The following GALNT15 variants were observed in gnomAD, a reference collection of about 807,000 sequenced individuals.
GALNT15 encodes the protein polypeptide N-acetylgalactosaminyltransferase 15.
A neutral mutation model predicts 66.8 loss-of-function variants in GALNT15; 67 were observed. The ratio of observed to expected loss-of-function variants is 1.00; its 90% CI spans 0.82 to 1.23. GALNT15 has a LOEUF of 1.23. Ranked by LOEUF, GALNT15 falls within the 50% of genes most tolerant of loss-of-function variation. GALNT15 has a pLI of 0.00. For missense variants in GALNT15, 827 were observed against 804.3 expected (o/e 1.03, Z -0.34); for synonymous variants, 313 against 311.5 (o/e 1.00, Z -0.05).
rs1170870767 is a variant in GALNT15 at position 16,206,671 on chromosome 3, T to TAA, written c.912-1809_912-1808dup. 3.4e-3 allele frequency among the ~76,000 whole-genome samples: 205 copies of TAA among 59,924 alleles called. 2 individuals are homozygous for TAA. Among genetic ancestry groups the TAA allele is most frequent in the African/African-American group, 9.5e-3 (157 of 16,522 alleles). 39.3% of individuals were successfully genotyped at this position (59,924 alleles called of 152,430 possible). ...CTGGATAACAAAGCGAGACTCTGTC[T>TAA]AAAAAAAAAAAAAAAAAAAAAAAAG... On this transcript the variant is annotated intron_variant, in intron 3 of 9. Coordinates refer to ENST00000339732, the MANE Select transcript of GALNT15 (RefSeq NM_054110.5).
chr3:16,231,857 T>C, downstream of GALNT15: 7 of 1,536,406 alleles, frequency 4.6e-6, no homozygotes, highest in Non-Finnish European at 6.1e-6. The surrounding 1 kb of genome is among the most constrained non-coding windows in gnomAD (Gnocchi z 4.1). Flanking sequence ...TTTCAGCAGA[T>C]TGTGAACAAT....
downstream of GALNT15, among the ~76,000 whole-genome samples, chr3:16,231,542 A>G (rs2064081776): frequency 6.6e-6 from 1 of 152,206 alleles, no homozygotes; most frequent in Non-Finnish European, 1.5e-5. This position sits in a 1 kb window ranked among gnomAD's most constrained non-coding sequence, Gnocchi z 4.1. Flanking sequence ...ATCACGACAT[A>G]TAAACAGCTT....
At chr3:16,235,796 A>G (rs1283767491), downstream of GALNT15, among the ~76,000 whole-genome samples, 2 of 152,212 alleles carry the variant, frequency 1.3e-5, no homozygotes, top group Middle Eastern at 3.4e-3. Context: ...GCCGGGTAGG[A>G]TAGATACCAG....
At chr3:16,190,200 G>T (rs2063558776) in intron 1 of GALNT15, among the ~76,000 whole-genome samples, 1 of 152,198 alleles carries the variant, frequency 6.6e-6, no homozygotes, top group South Asian at 2.1e-4. Flanking sequence ...CTGCCCATAG[G>T]CTGATGAAGC....
chr3:16,240,407 C>T, the GALNT15 span, among the ~76,000 whole-genome samples: 2 of 152,162 alleles, frequency 1.3e-5, no homozygotes, highest in Admixed American at 6.5e-5. Context: ...TGCAAAATAT[C>T]ATCTTCACTG....
At chr3:16,210,841 G>A (rs1046898994) in intron 4 of GALNT15, among the ~76,000 whole-genome samples, 3 of 152,224 alleles carry the variant, frequency 2.0e-5, no homozygotes, top group African/African-American at 7.2e-5. Flanking sequence ...CAAGCCAGAG[G>A]GCAGGGGAGT....
In GALNT15 at chr3:16,208,610, A is replaced by C; in HGVS notation, c.1019A>C (p.His340Pro). 1.2e-6 allele frequency: 2 copies of C among 1,614,066 alleles called. No homozygotes were observed. The highest frequency in any genetic ancestry group is 1.7e-6 in the Non-Finnish European group (2 of 1,180,000). ...RGVLDWKLDFHWEPLPEHVRK... is the reference protein window; with the variant it reads ...RGVLDWKLDFPWEPLPEHVRK... ...GTGTTGGACTGGAAGCTGGATTTCC[A>C]CTGGGAACCTTTGCCAGAGCATGTG... Residue 340 changes from histidine to proline, a missense_variant, in exon 4 of 10, where the codon CAC (histidine) becomes CCC (proline). Physicochemically the swap from His to Pro is moderately conservative, Grantham distance 77. Coordinates refer to ENST00000339732, the MANE Select transcript of GALNT15 (RefSeq NM_054110.5).
At chr3:16,199,313 T>G (rs1434227054) in intron 2 of GALNT15, among the ~76,000 whole-genome samples, 2 of 141,648 alleles carry the variant, frequency 1.4e-5, no homozygotes, top group Non-Finnish European at 3.1e-5. Context: ...TTAGGCCTCT[T>G]TTTCTCCCTT....
At chr3:16,235,360 G>A (rs536200085), downstream of GALNT15, among the ~76,000 whole-genome samples, 16 of 152,160 alleles carry the variant, frequency 1.1e-4, no homozygotes, top group African/African-American at 3.9e-4. Flanking sequence ...ATGAAGCAAG[G>A]TTCCTCCGGC....
Position 16,191,363 on chromosome 3 carries a change from G to C in GALNT15, c.540-4397G>C. 1 of 981,478 alleles carries C rather than the reference G, an allele frequency of 1.0e-6. No individual in the cohort carries two copies. The highest frequency in any genetic ancestry group is 4.7e-5 in the South Asian group (1 of 21,188). The allele number at this position is 981,478 out of a possible 1,614,324, so 60.8% of individuals were successfully genotyped here. On this transcript the variant is annotated intron_variant, in intron 1 of 9. Coordinates refer to ENST00000339732, the MANE Select transcript of GALNT15 (RefSeq NM_054110.5). The surrounding 1 kb of genome is among the most constrained non-coding windows in gnomAD (Gnocchi z 5.2). Reference sequence around the variant, plus strand: ...ACATCTGTTAATAATGGCAGCAAACGCATGGTGCTCACTCTGTGCCACCCA... The same window carrying C: ...ACATCTGTTAATAATGGCAGCAAACCCATGGTGCTCACTCTGTGCCACCCA...
At chr3:16,230,691 A>G (rs2064073841), downstream of GALNT15, among the ~76,000 whole-genome samples, 1 of 152,204 alleles carries the variant, frequency 6.6e-6, no homozygotes. The surrounding 1 kb of genome is among the most constrained non-coding windows in gnomAD (Gnocchi z 4.5). Flanking sequence ...TCTACTTATT[A>G]TGCACACTAT....
At chr3:16,214,634 C>T (rs1372939132) in intron 6 of GALNT15, among the ~76,000 whole-genome samples, 1 of 152,064 alleles carries the variant, frequency 6.6e-6, no homozygotes, top group African/African-American at 2.4e-5. Flanking sequence ...ATACCCAATG[C>T]TTATCAGGTT....
Position 16,195,974 on chromosome 3 carries a change from G to A in GALNT15, c.706+48G>A. The A allele has an allele frequency of 6.3e-7, 1 of 1,587,550 alleles. No homozygotes were observed. Among genetic ancestry groups the A allele is most frequent in the Non-Finnish European group, 8.6e-7 (1 of 1,161,072 alleles). On this transcript the variant is annotated intron_variant, in intron 2 of 9. Transcript: ENST00000339732. The surrounding 1 kb of genome is among the most constrained non-coding windows in gnomAD (Gnocchi z 4.6). ...CTCGTCTGGGTGAGCCTTACCCCCT[G>A]GCGGGTGGAGTTCTCAAGCAAAAGA...
At chr3:16,213,411 C>T (rs1469256957) in intron 6 of GALNT15, among the ~76,000 whole-genome samples, 13 of 135,028 alleles carry the variant, frequency 9.6e-5, no homozygotes, top group Admixed American at 4.2e-4. Flanking sequence ...GCTGAGATCA[C>T]GCCACTGCAC....
chr3:16,234,001 A>G (rs2064110633), downstream of GALNT15, among the ~76,000 whole-genome samples: 1 of 152,212 alleles, frequency 6.6e-6, no homozygotes, highest in Non-Finnish European at 1.5e-5. Flanking sequence ...CATAGAGGCA[A>G]GTATAGGGGA....
Position 16,195,995 on chromosome 3 carries a change from A to C in GALNT15, c.706+69A>C. ...CCCTGGCGGGTGGAGTTCTCAAGCA[A>C]AAGATTGAAGTTTGGAACTATTTTA... On this transcript the variant is annotated intron_variant, in intron 2 of 9. Coordinates refer to ENST00000339732, the MANE Select transcript of GALNT15 (RefSeq NM_054110.5). This position sits in a 1 kb window ranked among gnomAD's most constrained non-coding sequence, Gnocchi z 4.6. 1 of 1,519,930 alleles carries C rather than the reference A, an allele frequency of 6.6e-7. No homozygotes were observed. The highest frequency in any genetic ancestry group is 9.0e-7 in the Non-Finnish European group (1 of 1,108,872). The allele number at this position is 1,519,930 out of a possible 1,614,324, so 94.2% of individuals were successfully genotyped here.
intron 8 of GALNT15, among the ~76,000 whole-genome samples, chr3:16,221,877 G>T (rs989456835): frequency 2.0e-5 from 3 of 152,180 alleles, no homozygotes; most frequent in African/African-American, 7.2e-5. Flanking sequence ...AGATGACAAT[G>T]TAGTCTTTAA....
chr3:16,204,541 C>T lies in GALNT15; in HGVS notation c.911+3718C>T, dbSNP rs1169873639. ...TACACAAAGTAACAATGATGGGAAT[C>T]AAGACTAGCTGTTGTATCCAGCTCT... On this transcript the variant is annotated intron_variant, in intron 3 of 9. Coordinates refer to ENST00000339732, the MANE Select transcript of GALNT15 (RefSeq NM_054110.5). This position sits in a 1 kb window ranked among gnomAD's most constrained non-coding sequence, Gnocchi z 4.5. 1.3e-5 allele frequency among the ~76,000 whole-genome samples: 2 copies of T among 152,056 alleles called. No individual in the cohort carries two copies. The highest frequency in any genetic ancestry group is 2.9e-5 in the Non-Finnish European group (2 of 68,008).
downstream of GALNT15, among the ~76,000 whole-genome samples, chr3:16,232,639 A>C (rs2064096156): frequency 6.7e-6 from 1 of 150,310 alleles, no homozygotes; most frequent in African/African-American, 2.4e-5. Flanking sequence ...GTGGAAACAA[A>C]TATAAAAAGA....
Sources: gnomAD v4.1 joint callset for allele counts (sites outside exome capture counted in the v4.1 genomes callset) on GRCh38, gnomAD v4.1.1 for gene constraint, Gnocchi (gnomAD v3.1) non-coding constraint, MANE v1.5 for transcripts, NCBI Gene and HGNC (gene_info 2026-07-23, HGNC 2026-07-21) for gene names.